Variants in ZFHX3 observed in about 807,000 individuals in gnomAD.
The protein encoded by ZFHX3 is zinc finger homeobox protein 3.
ZFHX3 carries 42 observed loss-of-function variants against 279.1 expected under a neutral mutation model. The ratio of observed to expected loss-of-function variants is 0.15; its 90% CI spans 0.12 to 0.19. ZFHX3 has a LOEUF of 0.19. Among genes scored for constraint, ZFHX3 ranks in the 10% least tolerant of loss-of-function variants. ZFHX3 has a pLI of 1.00. For synonymous variants in ZFHX3, 2,293 were observed against 1,957.8 expected, an observed-to-expected ratio of 1.17 and a Z score of -4.52; for missense variants, 4,981 against 4,754.0, an observed-to-expected ratio of 1.05 and a Z score of -1.40.
chr16:73,458,645 C>G (rs894866104), intron 2 of ZFHX3, among the ~76,000 whole-genome samples: 2 of 152,056 alleles, frequency 1.3e-5, no homozygotes, highest in Non-Finnish European at 2.9e-5. Flanking sequence ...TCTTTAGACC[C>G]CTGCTTTTTG....
rs186025347 is a variant in ZFHX3 at position 73,416,723 on chromosome 16, A to C, written c.-1291+39280T>G. On this transcript the variant is annotated intron_variant, in intron 3 of 17. Coordinates refer to the ZFHX3 transcript ENST00000641206. ...CCCCGTCTCTACTAAAAATACAAAA[A>C]ATTAGCCGGGTGCGGTGGCGGGCGC... Among the ~76,000 whole-genome samples, 63 of 151,172 alleles carry C rather than the reference A, an allele frequency of 4.2e-4. No individual in the cohort carries two copies. The East Asian group carries it at 0.012, about 29-fold the overall frequency.
At chr16:72,872,783 G>C (rs2038195839) in intron 4 of ZFHX3, among the ~76,000 whole-genome samples, 1 of 152,146 alleles carries the variant, frequency 6.6e-6, no homozygotes, top group Non-Finnish European at 1.5e-5. Context: ...ATAAATCTAT[G>C]ATATTCACAC....
At position 72,793,227 on chromosome 16, in the gene ZFHX3, T is replaced by C; in HGVS notation, c.9427+28A>G. 2 of 1,577,286 alleles carry C rather than the reference T, an allele frequency of 1.3e-6. No homozygotes were observed. The highest frequency in any genetic ancestry group is 1.7e-6 in the Non-Finnish European group (2 of 1,162,174). ...TGCTGACTGGGCAGCTATTTAGCCC[T>C]GAAACAATCGCCTAGAGCAGAACCC... On this transcript the variant is annotated intron_variant, in intron 9 of 9. Coordinates refer to ENST00000268489, the MANE Select transcript of ZFHX3 (RefSeq NM_006885.4). This position sits in a 1 kb window ranked among gnomAD's most constrained non-coding sequence, Gnocchi z 4.3.
At chr16:73,493,824 G>T (rs1164163114) in intron 2 of ZFHX3, among the ~76,000 whole-genome samples, 1 of 149,364 alleles carries the variant, frequency 6.7e-6, no homozygotes, top group African/African-American at 2.6e-5. Flanking sequence ...AGGCTTTTTG[G>T]ATCTGAGTTC....
At chr16:73,104,283 T>C (rs996704967) in intron 7 of ZFHX3, among the ~76,000 whole-genome samples, 4 of 152,074 alleles carry the variant, frequency 2.6e-5, no homozygotes, top group Non-Finnish European at 4.4e-5. Flanking sequence ...CAGGCTGGAG[T>C]GCAGTAGCGC....
At chr16:72,805,450 A>C (rs2036235489) in intron 7 of ZFHX3, among the ~76,000 whole-genome samples, 2 of 152,196 alleles carry the variant, frequency 1.3e-5, no homozygotes, top group South Asian at 4.1e-4. Context: ...CAAATCCTTT[A>C]CTTTTAATTG....
At chr16:73,123,202 A>T (rs1966521234) in intron 7 of ZFHX3, 1 of 91,670 alleles carries the variant, frequency 1.1e-5, no homozygotes, top group Admixed American at 1.3e-4. Flanking sequence ...CCCATGTGGT[A>T]GATTAAAAAA....
chr16:73,793,000 G>A (rs1482935604), intron 1 of ZFHX3, among the ~76,000 whole-genome samples: 1 of 152,184 alleles, frequency 6.6e-6, no homozygotes, highest in African/African-American at 2.4e-5. Context: ...GGCATTATCT[G>A]AGAAAGATGC....
intron 1 of ZFHX3, among the ~76,000 whole-genome samples, chr16:73,804,944 G>C (rs1197265883): frequency 1.6e-5 from 2 of 123,976 alleles, no homozygotes; most frequent in Admixed American, 8.8e-5. Context: ...GAGAGAGGGA[G>C]AGGAAGGGAG....
At chr16:73,074,452 G>A (rs922591969) in intron 8 of ZFHX3, among the ~76,000 whole-genome samples, 11 of 152,248 alleles carry the variant, frequency 7.2e-5, no homozygotes, top group Admixed American at 3.3e-4. Flanking sequence ...TTCATGTTAC[G>A]GATGACCCGC....
intron 1 of ZFHX3, among the ~76,000 whole-genome samples, chr16:72,965,067 T>TA (rs774851117): frequency 7.4e-6 from 1 of 134,652 alleles, no homozygotes; most frequent in Non-Finnish European, 1.7e-5. Context: ...TTAGTATAGA[T>TA]GGGGTTTCAC....
At chr16:73,615,989 G>C (rs951720202) in intron 2 of ZFHX3, among the ~76,000 whole-genome samples, 6 of 152,126 alleles carry the variant, frequency 3.9e-5, no homozygotes, top group African/African-American at 1.4e-4. Flanking sequence ...GGACGGTTCA[G>C]GGGAGACATA....
chr16:73,595,542 G>C (rs1241094505), intron 2 of ZFHX3, among the ~76,000 whole-genome samples: 1 of 152,032 alleles, frequency 6.6e-6, no homozygotes, highest in Non-Finnish European at 1.5e-5. Flanking sequence ...CAGGCTCCTT[G>C]GTTCTGGGCT....
At position 72,787,412 on chromosome 16, in the gene ZFHX3, A is replaced by C; in HGVS notation, c.10864T>G (p.Ser3622Ala). Reference protein sequence around the residue: ...ASRKSWPQVVSRASAAKPPSF... With the variant: ...ASRKSWPQVVARASAAKPPSF... ...GGGGGCTTCGCTGCCGAAGCCCGGG[A>C]GACCACTTGCGGCCAAGACTTCCTG... The change falls in exon 10 of 10, where the codon TCC (serine) becomes GCC (alanine). Residue 3622 changes from serine to alanine, a missense_variant. Around this residue, in one of 7 missense-constraint regions of ZFHX3, gnomAD observed 1,034 missense variants for 786.0 expected, o/e 1.32. Coordinates refer to ENST00000268489, the MANE Select transcript of ZFHX3 (RefSeq NM_006885.4). 6.4e-7 allele frequency: 1 copy of C among 1,570,890 alleles called. No individual in the cohort carries two copies. Among genetic ancestry groups the C allele is most frequent in the Non-Finnish European group, 8.7e-7 (1 of 1,154,526 alleles).
intron 1 of ZFHX3, among the ~76,000 whole-genome samples, chr16:73,841,928 A>C (rs1018556174): frequency 7.3e-4 from 108 of 148,010 alleles, no homozygotes; most frequent in African/African-American, 2.8e-3. Context: ...AAAAACAATG[A>C]TCACAGTCAG....
At chr16:73,385,521 G>A (rs941916282) in intron 3 of ZFHX3, among the ~76,000 whole-genome samples, 6 of 152,132 alleles carry the variant, frequency 3.9e-5, no homozygotes, top group South Asian at 2.1e-4. Context: ...AAACAGTCCC[G>A]CAGTTTCAAG....
chr16:73,550,667 C>A (rs958209991), intron 2 of ZFHX3, among the ~76,000 whole-genome samples: 2 of 152,086 alleles, frequency 1.3e-5, no homozygotes, highest in African/African-American at 4.8e-5. Context: ...TTTGATTTTT[C>A]TCTTTCTTCT....
intron 2 of ZFHX3, among the ~76,000 whole-genome samples, chr16:73,540,891 C>A (rs1202312808): frequency 6.6e-6 from 1 of 152,162 alleles, no homozygotes; most frequent in Non-Finnish European, 1.5e-5. Flanking sequence ...GAGATGCAGG[C>A]ACGTACTGCT....
Position 73,845,174 on chromosome 16 carries a change from C to T in ZFHX3, c.-1608+46477G>A, listed in dbSNP as rs544980718. Among the ~76,000 whole-genome samples the T allele has an allele frequency of 1.2e-4, 18 of 152,182 alleles. No individual in the cohort carries two copies. The South Asian group carries it at 2.9e-3, about 25-fold the overall frequency. ...AAGGAACTAAATATTGAAACATGCACGCGACCATAGGAAGTGCGTTCGTGG... is the reference window on the plus strand; with the variant it reads ...AAGGAACTAAATATTGAAACATGCATGCGACCATAGGAAGTGCGTTCGTGG... On this transcript the variant is annotated intron_variant, in intron 1 of 17. Transcript: ENST00000641206.
Sources: allele counts gnomAD v4.1 joint callset (sites outside exome capture counted in the v4.1 genomes callset), GRCh38; gene constraint gnomAD v4.1.1; regional missense constraint gnomAD v4.1.1; non-coding constraint Gnocchi (gnomAD v3.1); transcripts MANE v1.5; gene names NCBI Gene and HGNC (gene_info 2026-07-23, HGNC 2026-07-21).